RBFOX1: variants seen among roughly 807,000 people sequenced by gnomAD.
RBFOX1 encodes the protein RNA binding protein fox-1 homolog 1.
RBFOX1 carries 8 observed loss-of-function variants against 57.7 expected under a neutral mutation model. The observed-to-expected ratio is 0.14, with a 90% CI of 0.08 to 0.25. The LOEUF is 0.25. RBFOX1 is among the 10% of genes least tolerant of loss of function. The pLI, the probability that RBFOX1 is intolerant of heterozygous loss-of-function variation, is 1.00. For missense variants in RBFOX1, 611 were observed against 548.5 expected, an observed-to-expected ratio of 1.11 and a Z score of -1.14; for synonymous variants, 326 against 222.4, an observed-to-expected ratio of 1.47 and a Z score of -4.15.
intron 3 of RBFOX1, among the ~76,000 whole-genome samples, chr16:6,835,262 C>T (rs1235379429): frequency 1.3e-5 from 2 of 152,136 alleles, no homozygotes; most frequent in African/African-American, 4.8e-5. Context: ...GATCCACAAA[C>T]ACAGCTGCTA....
At chr16:5,467,790 G>C (rs148041578) in intron 2 of RBFOX1, among the ~76,000 whole-genome samples, 1 of 152,228 alleles carries the variant, frequency 6.6e-6, no homozygotes, top group African/African-American at 2.4e-5. Flanking sequence ...CCCTTGGATA[G>C]AGGAAGTAAG....
intron 4 of RBFOX1, among the ~76,000 whole-genome samples, chr16:5,973,768 GTTCA>G (rs959686565): frequency 6.6e-6 from 1 of 152,016 alleles, no homozygotes; most frequent in African/African-American, 2.4e-5. Context: ...TTGTTTCTTT[GTTCA>G]TTCATTCATT....
At chr16:5,313,628 G>A (rs889616290) in intron 1 of RBFOX1, among the ~76,000 whole-genome samples, 4 of 152,244 alleles carry the variant, frequency 2.6e-5, no homozygotes, top group Non-Finnish European at 5.9e-5. Flanking sequence ...AGGCAAGGAG[G>A]AGCAAGGCTA....
intron 10 of RBFOX1, 55 bp downstream of exon 10, chr16:7,607,393 C>T: frequency 1.3e-6 from 2 of 1,498,804 alleles, no homozygotes; most frequent in Non-Finnish European, 1.8e-6. Context: ...ATGTGCTTTG[C>T]CTGCCAAGAA....
chr16:7,030,546 G>T (rs1243702024), intron 3 of RBFOX1, among the ~76,000 whole-genome samples: 1 of 152,036 alleles, frequency 6.6e-6, no homozygotes, highest in East Asian at 1.9e-4. Context: ...TCTAGTCTCT[G>T]CCTCTGTCTT....
At chr16:7,115,376 T>C (rs933747399) in intron 4 of RBFOX1, among the ~76,000 whole-genome samples, 4 of 152,238 alleles carry the variant, frequency 2.6e-5, no homozygotes, top group Non-Finnish European at 5.9e-5. Context: ...ATAGAGCTTA[T>C]ATTCTAATGG....
intron 3 of RBFOX1, among the ~76,000 whole-genome samples, chr16:7,017,811 G>A (rs1480122804): frequency 1.3e-5 from 2 of 152,076 alleles, no homozygotes; most frequent in South Asian, 2.1e-4. Context: ...GTGCTTAAGC[G>A]TTTTCTTCTG....
At chr16:7,182,122 G>C (rs376903884) in intron 4 of RBFOX1, among the ~76,000 whole-genome samples, 1 of 152,086 alleles carries the variant, frequency 6.6e-6, no homozygotes, top group African/African-American at 2.4e-5. Flanking sequence ...TCAGTGATTC[G>C]TAGTTGTCTC....
At chr16:5,423,539 G>A (rs1049512061) in intron 1 of RBFOX1, among the ~76,000 whole-genome samples, 3 of 152,186 alleles carry the variant, frequency 2.0e-5, no homozygotes, top group African/African-American at 7.2e-5. Context: ...CAGATGCCAG[G>A]CCTACCCTGG....
At chr16:6,389,989 A>G (rs150511658) in intron 2 of RBFOX1, among the ~76,000 whole-genome samples, 208 of 152,288 alleles carry the variant, frequency 1.4e-3, no homozygotes, top group African/African-American at 4.6e-3. Flanking sequence ...GCCATTAGGA[A>G]GGCCGGGGAA....
intron 2 of RBFOX1, among the ~76,000 whole-genome samples, chr16:6,492,726 TACCTA>T (rs1324616967): frequency 3.9e-5 from 6 of 152,186 alleles, no homozygotes; most frequent in Non-Finnish European, 8.8e-5. Context: ...GCGGAGGAAA[TACCTA>T]AGTAGGGTGA....
At chr16:6,643,597 T>G (rs1199298846) in intron 2 of RBFOX1, among the ~76,000 whole-genome samples, 1 of 152,110 alleles carries the variant, frequency 6.6e-6, no homozygotes, top group Admixed American at 6.5e-5. Context: ...TTTAGAACAT[T>G]GGTTTAAATA....
chr16:6,845,774 G>C (rs1040218335), intron 3 of RBFOX1, among the ~76,000 whole-genome samples: 1 of 152,148 alleles, frequency 6.6e-6, no homozygotes, highest in African/African-American at 2.4e-5. Context: ...TCTTTTATCA[G>C]ATCCTCAAAC....
upstream of RBFOX1, among the ~76,000 whole-genome samples, chr16:6,016,755 G>T (rs1596410766): frequency 6.6e-6 from 1 of 152,208 alleles, no homozygotes; most frequent in Admixed American, 6.5e-5. Flanking sequence ...TGTCCTGGGA[G>T]CTGTCAACTT....
At chr16:7,269,502 A>G (rs1008957892) in intron 4 of RBFOX1, among the ~76,000 whole-genome samples, 20 of 152,106 alleles carry the variant, frequency 1.3e-4, no homozygotes, top group Non-Finnish European at 2.1e-4. Context: ...AAAAGCTTAC[A>G]GTATTTGACT....
chr16:7,263,767 G>A (rs765171760), intron 4 of RBFOX1, among the ~76,000 whole-genome samples: 5 of 151,940 alleles, frequency 3.3e-5, no homozygotes, highest in South Asian at 2.1e-4. Flanking sequence ...GTGGTGGCAC[G>A]TGCCTGTAAT....
At chr16:7,572,816 G>A (rs1332743548) in intron 5 of RBFOX1, among the ~76,000 whole-genome samples, 2 of 124,322 alleles carry the variant, frequency 1.6e-5, no homozygotes, top group Non-Finnish European at 3.6e-5. Context: ...TCCAGCCTGG[G>A]CAACAGAGTG....
At chr16:7,109,314 C>T (rs533599689) in intron 4 of RBFOX1, among the ~76,000 whole-genome samples, 1 of 152,210 alleles carries the variant, frequency 6.6e-6, no homozygotes, top group South Asian at 2.1e-4. Flanking sequence ...TTGACCATGC[C>T]GTGAAACAAA....
chr16:7,421,519 C>G (rs1375709029), intron 4 of RBFOX1, among the ~76,000 whole-genome samples: 1 of 152,202 alleles, frequency 6.6e-6, no homozygotes, highest in Non-Finnish European at 1.5e-5. Context: ...GCCAGGTTTT[C>G]TAAGGCAGGA....
Sources: allele counts gnomAD v4.1 joint callset (sites outside exome capture counted in the v4.1 genomes callset), GRCh38; gene constraint gnomAD v4.1.1; transcripts MANE v1.5; gene names NCBI Gene and HGNC (gene_info 2026-07-23, HGNC 2026-07-21).